ORC5: variants seen among roughly 807,000 people sequenced by gnomAD.
ORC5 encodes protein phosphatase 1, regulatory subunit 117.
Under a neutral mutation model 58.8 loss-of-function variants are expected in ORC5, and 39 were observed. The observed-to-expected ratio is 0.66, with a 90% CI of 0.51 to 0.87. ORC5 has a LOEUF of 0.87. ORC5 is among the 40% of genes least tolerant of loss of function. ORC5 has a pLI of 0.00. For missense variants in ORC5, 493 were observed against 506.3 expected (o/e 0.97, Z 0.25); for synonymous variants, 218 against 177.6 (o/e 1.23, Z -1.81).
At chr7:104,135,456 A>G (rs576743198) in intron 13 of ORC5, among the ~76,000 whole-genome samples, 20 of 152,298 alleles carry the variant, frequency 1.3e-4, no homozygotes, top group African/African-American at 4.8e-4. Flanking sequence ...TTATCACAGA[A>G]CTTAAAAACA....
chr7:104,207,031 G>A (rs950529177), intron 1 of ORC5, among the ~76,000 whole-genome samples: 1 of 152,204 alleles, frequency 6.6e-6, no homozygotes, highest in African/African-American at 2.4e-5. Context: ...TGGCAGCAAC[G>A]CATGACTGTA....
intron 3 of ORC5, among the ~76,000 whole-genome samples, chr7:104,200,502 C>T (rs1320186234): frequency 6.6e-6 from 1 of 152,160 alleles, no homozygotes; most frequent in Admixed American, 6.5e-5. Flanking sequence ...CTGTATTGGA[C>T]ACACACAGTC....
At chr7:104,206,898 C>A (rs1448228041) in intron 1 of ORC5, among the ~76,000 whole-genome samples, 2 of 152,188 alleles carry the variant, frequency 1.3e-5, no homozygotes, top group Non-Finnish European at 2.9e-5. Context: ...GAACAGGCTA[C>A]ACCATACAGC....
At chr7:104,177,881 T>C (rs1182069211) in intron 8 of ORC5, among the ~76,000 whole-genome samples, 1 of 152,224 alleles carries the variant, frequency 6.6e-6, no homozygotes, top group Non-Finnish European at 1.5e-5. Flanking sequence ...TTCACCTATG[T>C]CCCTGCAAAG....
intron 11 of ORC5, among the ~76,000 whole-genome samples, chr7:104,162,345 G>C (rs554262860): frequency 3.3e-5 from 5 of 152,140 alleles, no homozygotes; most frequent in South Asian, 2.1e-4. Flanking sequence ...GCTAACTTTT[G>C]TATTTTTAGT....
intron 11 of ORC5, 126 bp downstream of exon 11, chr7:104,165,104 CAGTAT>C: frequency 1.8e-6 from 1 of 548,254 alleles, no homozygotes; most frequent in Non-Finnish European, 3.2e-6. Flanking sequence ...AATTCTATTA[CAGTAT>C]AACGGTACCA....
intron 8 of ORC5, among the ~76,000 whole-genome samples, chr7:104,179,889 ACTCT>A (rs1346725942): frequency 1.3e-5 from 2 of 152,056 alleles, no homozygotes; most frequent in African/African-American, 4.8e-5. Context: ...TGAGGTGATA[ACTCT>A]CTCTTTTAAC....
At chr7:104,197,031 T>C (rs563263158) in intron 4 of ORC5, among the ~76,000 whole-genome samples, 34 of 152,206 alleles carry the variant, frequency 2.2e-4, no homozygotes, top group Non-Finnish European at 4.3e-4. Flanking sequence ...AGTCCGCCCC[T>C]GTCCTTTTCT....
intron 5 of ORC5, among the ~76,000 whole-genome samples, chr7:104,194,408 A>G (rs1483583108): frequency 6.6e-6 from 1 of 152,128 alleles, no homozygotes; most frequent in Non-Finnish European, 1.5e-5. Flanking sequence ...TATACTTCAC[A>G]GTTATAATCT....
Position 104,163,742 on chromosome 7 carries a change from C to T in ORC5, c.1038+1493G>A, listed in dbSNP as rs187099904. Among the ~76,000 whole-genome samples, 1,300 of 152,298 alleles carry T rather than the reference C, an allele frequency of 8.5e-3. 10 individuals are homozygous for T. The highest frequency in any genetic ancestry group is 0.014 in the Non-Finnish European group (967 of 68,018). On this transcript the variant is annotated intron_variant, in intron 11 of 13. Transcript: ENST00000297431. Reference sequence around the variant, plus strand: ...TCCTGACCTCGTGATCCACCCGCCTCGGCCTCCCAAAGTGCTGGGACTACA... The same window carrying T: ...TCCTGACCTCGTGATCCACCCGCCTTGGCCTCCCAAAGTGCTGGGACTACA...
intron 13 of ORC5, among the ~76,000 whole-genome samples, chr7:104,134,976 C>T (rs1798567233): frequency 1.3e-5 from 2 of 152,084 alleles, no homozygotes; most frequent in African/African-American, 4.8e-5. Flanking sequence ...AGTTCTATGT[C>T]AAGATTCCAG....
At chr7:104,206,340 A>G (rs1800083228) in intron 1 of ORC5, among the ~76,000 whole-genome samples, 1 of 152,226 alleles carries the variant, frequency 6.6e-6, no homozygotes, top group African/African-American at 2.4e-5. Context: ...CACCTTGCAG[A>G]AAACTGATAT....
chr7:104,171,043 G>C (rs1032147001), intron 8 of ORC5, among the ~76,000 whole-genome samples: 1 of 151,974 alleles, frequency 6.6e-6, no homozygotes, highest in Admixed American at 6.6e-5. Context: ...ACTATTGCCT[G>C]AACTTTGCTC....
At chr7:104,131,989 T>TC (rs1270012177) in intron 13 of ORC5, among the ~76,000 whole-genome samples, 1 of 152,188 alleles carries the variant, frequency 6.6e-6, no homozygotes, top group African/African-American at 2.4e-5. Context: ...TTGCTGTATC[T>TC]CCCCAAAGCC....
intron 12 of ORC5, among the ~76,000 whole-genome samples, chr7:104,152,814 A>G: frequency 6.6e-6 from 1 of 152,352 alleles, no homozygotes; most frequent in Middle Eastern, 3.4e-3. Context: ...TGCCCACAAA[A>G]ATAAAGTACC....
chr7:104,137,061 C>T (rs918895636), intron 12 of ORC5, among the ~76,000 whole-genome samples, 168 bp from the exon 13 acceptor site: 2 of 150,208 alleles, frequency 1.3e-5, no homozygotes, highest in African/African-American at 4.9e-5. Flanking sequence ...CATATGTTTT[C>T]CAGTCTAACA....
chr7:104,172,210 T>C (rs1020042866), intron 8 of ORC5, among the ~76,000 whole-genome samples: 1 of 152,240 alleles, frequency 6.6e-6, no homozygotes, highest in African/African-American at 2.4e-5. Context: ...GCTCTCTTTA[T>C]TGATATTGTG....
At chr7:104,172,778 A>C (rs1799237915) in intron 8 of ORC5, among the ~76,000 whole-genome samples, 1 of 152,204 alleles carries the variant, frequency 6.6e-6, no homozygotes, top group African/African-American at 2.4e-5. Context: ...GCTGAGCTGG[A>C]AGTCAAAATC....
chr7:104,185,540 G>C (rs1799526424), intron 6 of ORC5, among the ~76,000 whole-genome samples: 1 of 152,004 alleles, frequency 6.6e-6, no homozygotes, highest in Non-Finnish European at 1.5e-5. Flanking sequence ...TATTTGGATT[G>C]GCAGCACTAC....
Sources: allele counts gnomAD v4.1 joint callset (sites outside exome capture counted in the v4.1 genomes callset), GRCh38; gene constraint gnomAD v4.1.1; transcripts MANE v1.5; gene names NCBI Gene and HGNC (gene_info 2026-07-23, HGNC 2026-07-21).